The following RIN2 variants were observed in gnomAD, a reference collection of about 807,000 sequenced individuals.
The protein encoded by RIN2 is RAB5 interacting protein 2.
RIN2 carries 36 observed loss-of-function variants against 78.0 expected under a neutral mutation model. The ratio of observed to expected loss-of-function variants is 0.46; its 90% CI spans 0.35 to 0.61. The LOEUF (loss-of-function observed/expected upper bound fraction) is 0.61. Ranked by LOEUF, RIN2 falls within the 20% of genes least tolerant of loss-of-function variation. The pLI is 0.00. For missense variants in RIN2, 1,087 were observed against 1,159.7 expected (o/e 0.94, Z 0.91); for synonymous variants, 466 against 466.8 (o/e 1.00, Z 0.02).
intron 2 of RIN2, among the ~76,000 whole-genome samples, chr20:19,852,167 G>A (rs566609288): frequency 2.2e-4 from 34 of 152,274 alleles, no homozygotes; most frequent in African/African-American, 7.5e-4. Context: ...CCACATCAAA[G>A]GGCAGGGAAA....
intron 3 of RIN2, chr20:19,934,696 AGG>A: frequency 1.3e-6 from 1 of 796,426 alleles, no homozygotes; most frequent in South Asian, 5.8e-5. Context: ...AGTCCTTCAA[AGG>A]GGGTTCCTTT....
intron 11 of RIN2, among the ~76,000 whole-genome samples, chr20:19,995,430 A>G (rs143402475): frequency 1.2e-4 from 18 of 152,288 alleles, no homozygotes; most frequent in Admixed American, 3.3e-4. Flanking sequence ...GTGCCCAATT[A>G]GGGAATTTTT....
At position 19,939,850 on chromosome 20, in the gene RIN2, C is replaced by CT. The variant is rs11477693; in HGVS notation, c.158+4665dup. On this transcript the variant is annotated intron_variant, in intron 4 of 12. Coordinates refer to ENST00000255006, the MANE Select transcript of RIN2 (RefSeq NM_018993.4). ...TTCACTTGCTTCCTGTCCATTCTTT[C>CT]TTTTTTTTTTTTTTCTTGGAAACAG... Among the ~76,000 whole-genome samples, 67 of 145,158 alleles carry CT rather than the reference C, an allele frequency of 4.6e-4. 1 individual carries two copies. Among genetic ancestry groups the CT allele is most frequent in the South Asian group, 2.0e-3 (9 of 4,598 alleles).
At chr20:19,803,246 A>T (rs1218058270) in intron 2 of RIN2, among the ~76,000 whole-genome samples, 1 of 152,224 alleles carries the variant, frequency 6.6e-6, no homozygotes, top group Admixed American at 6.5e-5. Context: ...TAATAAGGAT[A>T]AGCAAGTCTT....
chr20:19,880,020 G>A (rs376193999), intron 2 of RIN2, among the ~76,000 whole-genome samples: 8 of 152,194 alleles, frequency 5.3e-5, no homozygotes, highest in African/African-American at 9.6e-5. Flanking sequence ...AGGCCAAGGC[G>A]GTCGGATCAC....
At chr20:19,831,115 A>C (rs900441819) in intron 2 of RIN2, among the ~76,000 whole-genome samples, 1 of 152,164 alleles carries the variant, frequency 6.6e-6, no homozygotes, top group African/African-American at 2.4e-5. Context: ...CAGATGCCCC[A>C]GCATGCCACA....
At chr20:19,945,893 G>A (rs1457616728) in intron 4 of RIN2, among the ~76,000 whole-genome samples, 2 of 152,194 alleles carry the variant, frequency 1.3e-5, no homozygotes, top group African/African-American at 2.4e-5. Context: ...GTGGCTCTTG[G>A]TAGCTGTGGT....
intron 2 of RIN2, among the ~76,000 whole-genome samples, chr20:19,852,740 T>G (rs2037023442): frequency 6.6e-6 from 1 of 152,178 alleles, no homozygotes; most frequent in African/African-American, 2.4e-5. Context: ...ATGAAATTAT[T>G]ATTCTGTGAC....
intron 1 of RIN2, among the ~76,000 whole-genome samples, chr20:19,783,694 G>A (rs545040633): frequency 9.8e-5 from 15 of 152,294 alleles, no homozygotes; most frequent in Admixed American, 3.9e-4. Flanking sequence ...CAACAATATG[G>A]AGTGTATTAT....
intron 3 of RIN2, among the ~76,000 whole-genome samples, chr20:19,915,312 G>C (rs1430178917): frequency 2.0e-5 from 3 of 152,100 alleles, no homozygotes; most frequent in African/African-American, 7.2e-5. Flanking sequence ...TTCCACATAA[G>C]AGCGAGGCAG....
chr20:19,975,549 G>C lies in RIN2; in HGVS notation c.1524G>C (p.Met508Ile). 6.2e-7 allele frequency: 1 copy of C among 1,614,056 alleles called. No individual in the cohort carries two copies. Among genetic ancestry groups the C allele is most frequent in the South Asian group, 1.1e-5 (1 of 91,082 alleles). ...QKVSGVFSSF[M>I]TPEKRMVRRI... is the part of the protein sequence containing the mutation. ...TGAGCGGGGTGTTCAGCTCCTTCAT[G>C]ACCCCGGAGAAGCGGATGGTCCGCA... The change falls in exon 9 of 13, where the codon ATG (methionine) becomes ATC (isoleucine). Residue 508 changes from methionine (M) to isoleucine (I), a missense_variant. Met to Ile is a conservative substitution (Grantham distance 10). Transcript: ENST00000255006. This position sits in a 1 kb window ranked among gnomAD's most constrained non-coding sequence, Gnocchi z 4.9.
chr20:19,770,140 GAC>G (rs2034056545), intron 1 of RIN2, among the ~76,000 whole-genome samples: 1 of 152,118 alleles, frequency 6.6e-6, no homozygotes, highest in Admixed American at 6.5e-5. Flanking sequence ...TTTTTAGAGA[GAC>G]AAAAAGAGCC....
At chr20:19,801,448 G>A (rs2035239677) in intron 2 of RIN2, among the ~76,000 whole-genome samples, 2 of 152,184 alleles carry the variant, frequency 1.3e-5, no homozygotes, top group East Asian at 3.9e-4. Flanking sequence ...AGCCTCCCGA[G>A]TAGCTGGGAC....
chr20:19,857,491 G>A (rs1467976925), intron 2 of RIN2, among the ~76,000 whole-genome samples: 1 of 152,168 alleles, frequency 6.6e-6, no homozygotes, highest in Non-Finnish European at 1.5e-5. Flanking sequence ...TATTTTGGAT[G>A]TATAACTAAG....
chr20:19,852,933 T>G lies in RIN2; in HGVS notation c.-36-36633T>G, dbSNP rs183811893. Among the ~76,000 whole-genome samples the G allele has an allele frequency of 4.1e-4, 63 of 152,118 alleles. No homozygotes were observed. In the East Asian group the frequency reaches 8.1e-3, roughly 20 times the overall value. ...AGTTCTAGGGTACATGTGCACAACG[T>G]GCAGGTTTGTTACATATGTATACAT... is the stretch of plus-strand genomic sequence containing the variant. On this transcript the variant is annotated intron_variant, in intron 2 of 12. Coordinates refer to ENST00000255006, the MANE Select transcript of RIN2 (RefSeq NM_018993.4).
intron 1 of RIN2, among the ~76,000 whole-genome samples, chr20:19,787,343 A>G (rs1432046295): frequency 6.6e-6 from 1 of 150,758 alleles, no homozygotes; most frequent in Non-Finnish European, 1.5e-5. Flanking sequence ...GAATTGCTTG[A>G]ACCCAGGAGG....
At chr20:19,864,104 A>AGG (rs1180735775) in intron 2 of RIN2, among the ~76,000 whole-genome samples, 3 of 152,136 alleles carry the variant, frequency 2.0e-5, no homozygotes, top group Non-Finnish European at 4.4e-5. Flanking sequence ...CATGGTATTA[A>AGG]GATTTAATGG....
intron 2 of RIN2, among the ~76,000 whole-genome samples, chr20:19,868,698 C>T (rs2037585505): frequency 6.6e-6 from 1 of 151,942 alleles, no homozygotes; most frequent in Non-Finnish European, 1.5e-5. Flanking sequence ...ACCTTGGGGA[C>T]CCAGAAAGGG....
chr20:19,974,638 T>C lies in RIN2; in HGVS notation c.629-16T>C, dbSNP rs2042209545. ...ACCGTATTTACATTCTTGTGTTCAC[T>C]GATAATGACTTTCAGATTTCTGGAG... On this transcript the variant is annotated splice_polypyrimidine_tract_variant and intron_variant, in intron 8 of 12. Transcript: ENST00000255006. 1 of 1,606,274 alleles carries C rather than the reference T, an allele frequency of 6.2e-7. No individual in the cohort carries two copies. The highest frequency in any genetic ancestry group is 8.5e-7 in the Non-Finnish European group (1 of 1,174,874).
Sources: allele counts gnomAD v4.1 joint callset (sites outside exome capture counted in the v4.1 genomes callset), GRCh38; gene constraint gnomAD v4.1.1; non-coding constraint Gnocchi (gnomAD v3.1); transcripts MANE v1.5; gene names NCBI Gene and HGNC (gene_info 2026-07-23, HGNC 2026-07-21).